The following ADAM11 variants were observed in gnomAD, a reference collection of about 807,000 sequenced individuals.
The protein encoded by ADAM11 is disintegrin and metalloproteinase domain-containing protein 11.
A neutral mutation model predicts 119.1 loss-of-function variants in ADAM11; 49 were observed. The ratio of observed to expected loss-of-function variants is 0.41; its 90% CI spans 0.33 to 0.52. The LOEUF (loss-of-function observed/expected upper bound fraction) is 0.52, where lower values mean the gene tolerates loss of function less well. Among genes scored for constraint, ADAM11 ranks in the 20% least tolerant of loss-of-function variants. The probability of loss-of-function intolerance (pLI) is 0.20; values close to 1 mark genes in which losing one functional copy is unlikely to be tolerated. For synonymous variants in ADAM11, 364 were observed against 408.0 expected (o/e 0.89, Z 1.30); for missense variants, 777 against 1,047.5 (o/e 0.74, Z 3.56).
At chr17:44,759,640 G>C (rs1452141619) in intron 1 of ADAM11, 82 bp from the exon 2 acceptor site, 3 of 1,307,750 alleles carry the variant, frequency 2.3e-6, no homozygotes, top group East Asian at 5.6e-5. Context: ...ACCAGAGTGG[G>C]GGATGAGGCA....
chr17:44,769,954 C>G, intron 3 of ADAM11, 28 bp from the exon 4 acceptor site: 1 of 1,613,858 alleles, frequency 6.2e-7, no homozygotes, highest in Non-Finnish European at 8.5e-7. Flanking sequence ...GCCCGTGACC[C>G]CCCTTCCTGC....
At chr17:44,766,513 CG>C (rs970125051) in intron 2 of ADAM11, among the ~76,000 whole-genome samples, 2 of 152,116 alleles carry the variant, frequency 1.3e-5, no homozygotes, top group African/African-American at 4.8e-5. Flanking sequence ...AGAGGAGCCT[CG>C]GGTGGAAGGG....
chr17:44,778,249 GAC>G lies in ADAM11; in HGVS notation c.2276+16_2276+17del. On this transcript the variant is annotated splice_region_variant and intron_variant, in intron 25 of 26. Transcript: ENST00000200557. ...GCACGGGCTGGGGATTTAAGTAAGA[GAC>G]ACACACACCCTGTGCCCCCTGGCAT... The G allele has an allele frequency of 1.2e-6, 2 of 1,611,020 alleles. No homozygotes were observed. Among genetic ancestry groups the G allele is most frequent in the Non-Finnish European group, 1.7e-6 (2 of 1,178,822 alleles).
intron 3 of ADAM11, 56 bp from the exon 4 acceptor site, chr17:44,769,926 C>G (rs1376939396): frequency 1.2e-6 from 2 of 1,610,730 alleles, no homozygotes; most frequent in East Asian, 2.2e-5. Context: ...AGGCGAGCCT[C>G]AAGCCCGACC....
chr17:44,776,794 A>G lies in ADAM11; in HGVS notation c.1616A>G (p.Gln539Arg), dbSNP rs746598027. Residue 539 changes from glutamine (Q) to arginine (R), a missense_variant and splice_region_variant, in exon 19 of 27, where the codon CAG becomes CGG. By Grantham distance (43) the Gln-to-Arg change is conservative. Around this residue, in one of 4 missense-constraint regions of ADAM11, gnomAD observed 348 missense variants for 486.7 expected, o/e 0.72. Coordinates refer to ENST00000200557, the MANE Select transcript of ADAM11 (RefSeq NM_002390.6). The surrounding 1 kb of genome is among the most constrained non-coding windows in gnomAD (Gnocchi z 5.2). Reference protein sequence around the residue: ...KLDGYYCDHEQGRCYGGRCKT... With the variant: ...KLDGYYCDHERGRCYGGRCKT... ...GACGGTTACTACTGTGACCATGAGC[A>G]GGTATGATGGCTGCCCCCTGAGCCT... The G allele has an allele frequency of 6.2e-7, 1 of 1,614,184 alleles. No individual in the cohort carries two copies. The highest frequency in any genetic ancestry group is 2.2e-5 in the East Asian group (1 of 44,886).
At chr17:44,765,917 A>T (rs144485109) in intron 2 of ADAM11, among the ~76,000 whole-genome samples, 1 of 152,316 alleles carries the variant, frequency 6.6e-6, no homozygotes, top group East Asian at 1.9e-4. Flanking sequence ...TCCTGGCCCA[A>T]CAATTCTGTT....
At chr17:44,762,839 G>T (rs919900057) in intron 2 of ADAM11, among the ~76,000 whole-genome samples, 6 of 152,122 alleles carry the variant, frequency 3.9e-5, no homozygotes, top group African/African-American at 1.2e-4. Flanking sequence ...AGATATAGCG[G>T]CCAAGAAGGA....
chr17:44,759,607 C>G, intron 1 of ADAM11, 115 bp from the exon 2 acceptor site: 1 of 1,303,252 alleles, frequency 7.7e-7, no homozygotes, highest in Non-Finnish European at 9.8e-7. Context: ...CCACCCGGAT[C>G]GCCCTAGGGC....
chr17:44,776,603 A>G lies in ADAM11; in HGVS notation c.1567-142A>G. 9.3e-7 allele frequency: 1 copy of G among 1,072,212 alleles called. No homozygotes were observed. The highest frequency in any genetic ancestry group is 1.3e-6 in the Non-Finnish European group (1 of 753,332). 66.4% of individuals were successfully genotyped at this position (1,072,212 alleles called of 1,614,324 possible). A position where few individuals can be genotyped will look rare whatever the true frequency, so the allele number is the denominator to read the frequency against. On this transcript the variant is annotated intron_variant, in intron 18 of 26. Coordinates refer to ENST00000200557, the MANE Select transcript of ADAM11 (RefSeq NM_002390.6). The surrounding 1 kb of genome is among the most constrained non-coding windows in gnomAD (Gnocchi z 5.2). ...GTGTGGTCTGGGTCCAGAACCAGACAGATCGCTTGTCCTAGGCGTGGAAGA... is the reference window on the plus strand; with the variant it reads ...GTGTGGTCTGGGTCCAGAACCAGACGGATCGCTTGTCCTAGGCGTGGAAGA...
At position 44,759,181 on chromosome 17, in the gene ADAM11, CG is replaced by C; in HGVS notation, c.-16del. 1 of 1,339,482 alleles carries C rather than the reference CG, an allele frequency of 7.5e-7. No homozygotes were observed. The highest frequency in any genetic ancestry group is 3.1e-5 in the East Asian group (1 of 32,044). The allele number at this position is 1,339,482 out of a possible 1,614,324, so 83.0% of individuals were successfully genotyped here. A position where few individuals can be genotyped will look rare whatever the true frequency, so the allele number is the denominator to read the frequency against. On this transcript the variant is annotated 5_prime_UTR_variant, in exon 1 of 27. Transcript: ENST00000200557. The stretch of plus-strand genomic sequence containing the variant: ...CCGCTGGCAGCCGCAGCCCCCGGAC[CG>C]GGAGGAATGAGCGAGCCATGAGGCT...
Position 44,771,804 on chromosome 17 carries a change from G to T in ADAM11, c.516G>T (p.Glu172Asp). The change falls in exon 6 of 27, where the codon GAG becomes GAT. Residue 172 changes from glutamate to aspartate, a missense_variant. By Grantham distance (45) the Glu-to-Asp change is conservative (BLOSUM62 2). Transcript: ENST00000200557. ...GNLTYIVEPQ[E>D]VAGPWGAPQG... ...TGACTTACATCGTGGAGCCCCAAGA[G>T]GTGGCTGGACCTTGGGGAGCCCCTC... 6.2e-7 allele frequency: 1 copy of T among 1,612,946 alleles called. No individual in the cohort carries two copies. The highest frequency in any genetic ancestry group is 8.5e-7 in the Non-Finnish European group (1 of 1,179,070).
At chr17:44,762,224 T>C (rs2049398266) in intron 2 of ADAM11, among the ~76,000 whole-genome samples, 1 of 151,882 alleles carries the variant, frequency 6.6e-6, no homozygotes. Context: ...GCAGTGGAGG[T>C]GGGAGTTTTC....
At chr17:44,762,629 G>A (rs1003688935) in intron 2 of ADAM11, among the ~76,000 whole-genome samples, 5 of 152,158 alleles carry the variant, frequency 3.3e-5, no homozygotes, top group Admixed American at 2.0e-4. Context: ...GGCTGGCAGG[G>A]CCTGGGGCGC....
Position 44,773,254 on chromosome 17 carries a change from T to C in ADAM11, c.826-7T>C, listed in dbSNP as rs2049552162. The C allele has an allele frequency of 1.9e-6, 3 of 1,608,718 alleles. No homozygotes were observed. The highest frequency in any genetic ancestry group is 2.5e-6 in the Non-Finnish European group (3 of 1,176,824). On this transcript the variant is annotated splice_region_variant and splice_polypyrimidine_tract_variant and intron_variant, in intron 10 of 26. Coordinates refer to ENST00000200557, the MANE Select transcript of ADAM11 (RefSeq NM_002390.6). The surrounding 1 kb of genome is among the most constrained non-coding windows in gnomAD (Gnocchi z 4.6). Reference sequence around the variant, plus strand: ...CCCACCCTCCAGCCCCCTCATCTTCTCCCCAGATATACAAGGAGCAGCTCA... The same window carrying C: ...CCCACCCTCCAGCCCCCTCATCTTCCCCCCAGATATACAAGGAGCAGCTCA...
intron 26 of ADAM11, 194 bp from the exon 27 acceptor site, chr17:44,779,545 G>A: frequency 1.1e-5 from 11 of 983,910 alleles, no homozygotes; most frequent in Non-Finnish European, 1.3e-5. Flanking sequence ...ATCCCCGGGA[G>A]GGCCCTCCCT....
chr17:44,767,320 A>C (rs539950934), intron 2 of ADAM11, among the ~76,000 whole-genome samples: 312 of 147,024 alleles, frequency 2.1e-3, no homozygotes, highest in Admixed American at 4.4e-3. Flanking sequence ...GCACCACTGC[A>C]CTACAGCCTG....
At position 44,772,974 on chromosome 17, in the gene ADAM11, CT is replaced by C. The variant is rs762510340; in HGVS notation, c.754-39del. The C allele has an allele frequency of 4.3e-6, 7 of 1,613,994 alleles. No individual in the cohort carries two copies. In the Admixed American group the frequency reaches 6.7e-5, roughly 15 times the overall value. ...GACAGGGCGTGACACTGGGAGGCCC[CT>C]GAGGAGCCTGGCCCTCCTCCCATTC... On this transcript the variant is annotated intron_variant, in intron 9 of 26. Coordinates refer to ENST00000200557, the MANE Select transcript of ADAM11 (RefSeq NM_002390.6). The surrounding 1 kb of genome is among the most constrained non-coding windows in gnomAD (Gnocchi z 4.5).
At position 44,759,255 on chromosome 17, in the gene ADAM11, C is replaced by A. The variant is rs1368946273; in HGVS notation, c.56C>A (p.Thr19Lys). Residue 19 changes from threonine to lysine, a missense_variant, in exon 1 of 27, where the codon ACG (threonine) becomes AAG (lysine). Physicochemically the swap from Thr to Lys is moderately conservative, Grantham distance 78. Coordinates refer to ENST00000200557, the MANE Select transcript of ADAM11 (RefSeq NM_002390.6). ...FAALLLSLLP[T>K]PGLGTQGPAG... ...GCTCTGCTGCTGTCGCTGCTCCCCA[C>A]GCCCGGTGAGTGACCCCCGCCCGGC... 1.4e-6 allele frequency: 2 copies of A among 1,430,790 alleles called. No individual in the cohort carries two copies. The highest frequency in any genetic ancestry group is 5.2e-5 in the Admixed American group (2 of 38,418). The allele number at this position is 1,430,790 out of a possible 1,614,324, so 88.6% of individuals were successfully genotyped here.
intron 2 of ADAM11, among the ~76,000 whole-genome samples, chr17:44,765,629 T>TTTTTTTTTTTTTTTTTTTC (rs2049440275): frequency 7.4e-6 from 1 of 135,034 alleles, no homozygotes; most frequent in African/African-American, 2.8e-5. Context: ...TTTTTTTTTT[T>TTTTTTTTTTTTTTTTTTTC]TTTTGTAGAG....
Sources: gnomAD v4.1 joint callset for allele counts (sites outside exome capture counted in the v4.1 genomes callset) on GRCh38, gnomAD v4.1.1 for gene constraint, gnomAD v4.1.1 regional missense constraint, Gnocchi (gnomAD v3.1) non-coding constraint, MANE v1.5 for transcripts, NCBI Gene and HGNC (gene_info 2026-07-23, HGNC 2026-07-21) for gene names.